The following TDO2 variants were observed in gnomAD, a reference collection of about 807,000 sequenced individuals.
The protein encoded by TDO2 is tryptamin 2,3-dioxygenase.
A neutral mutation model predicts 61.2 loss-of-function variants in TDO2; 63 were observed. The ratio of observed to expected loss-of-function variants is 1.03; its 90% CI spans 0.84 to 1.27. TDO2 has a LOEUF of 1.27. TDO2 is among the 50% of genes most tolerant of loss of function. The probability of loss-of-function intolerance (pLI) is 0.00; values close to 1 mark genes in which losing one functional copy is unlikely to be tolerated. For synonymous variants in TDO2, 183 were observed against 164.0 expected, an observed-to-expected ratio of 1.12 and a Z score of -0.89; for missense variants, 494 against 469.5, an observed-to-expected ratio of 1.05 and a Z score of -0.48.
chr4:155,908,919 T>A lies in TDO2; in HGVS notation c.336T>A (p.Val112=). 2 of 1,612,862 alleles carry A rather than the reference T, an allele frequency of 1.2e-6. No homozygotes were observed. The highest frequency in any genetic ancestry group is 2.7e-5 in the African/African-American group (2 of 74,992). The part of the protein sequence containing the change: ...VRDERNMLKV[V]SRMHRVSVIL... ...ATGAAAGGAACATGCTTAAGGTTGT[T>A]TCTCGGATGCACCGAGTGTCAGTGA... The change falls in exon 5 of 12, where the codon GTT becomes GTA. Residue 112 remains valine, a synonymous_variant. Coordinates refer to ENST00000536354, the MANE Select transcript of TDO2 (RefSeq NM_005651.4).
At position 155,919,858 on chromosome 4, in the gene TDO2, A is replaced by C; in HGVS notation, c.1089A>C (p.Val363=). The change falls in exon 12 of 12, where the codon GTA becomes GTC. Residue 363 remains valine, a synonymous_variant. Transcript: ENST00000536354. ...STVSDRYKVF[V]DLFNLSTYLI... ...CCAGTGATAGGTACAAGGTATTTGT[A>C]GATTTATTTAATCTTTCAACATACC... The C allele has an allele frequency of 6.2e-7, 1 of 1,613,410 alleles. No homozygotes were observed. Among genetic ancestry groups the C allele is most frequent in the Non-Finnish European group, 8.5e-7 (1 of 1,179,644 alleles).
At position 155,917,361 on chromosome 4, in the gene TDO2, A is replaced by G. The variant is rs370076357; in HGVS notation, c.897-34A>G. On this transcript the variant is annotated intron_variant, in intron 9 of 11. Transcript: ENST00000536354. ...CTCCTAACACACTCGATTTACTTGA[A>G]TATATTCTTCTTTTTCTTCTTTTTT... The G allele has an allele frequency of 2.6e-5, 41 of 1,559,080 alleles. No individual in the cohort carries two copies. In the African/African-American group the frequency reaches 5.1e-4, roughly 19 times the overall value.
chr4:155,918,281 A>T, intron 11 of TDO2, 42 bp downstream of exon 11: 1 of 1,593,882 alleles, frequency 6.3e-7, no homozygotes, highest in Non-Finnish European at 8.6e-7. Context: ...GGCAGTCACC[A>T]ACAATTTGTT....
intron 7 of TDO2, among the ~76,000 whole-genome samples, chr4:155,912,785 G>T (rs2110876883): frequency 6.6e-6 from 1 of 152,186 alleles, no homozygotes; most frequent in South Asian, 2.1e-4. Context: ...TTCAGAACAT[G>T]TATATAATAC....
At chr4:155,908,212 A>C (rs1193353810) in intron 4 of TDO2, among the ~76,000 whole-genome samples, 1 of 152,148 alleles carries the variant, frequency 6.6e-6, no homozygotes, top group Non-Finnish European at 1.5e-5. Context: ...GGAGGAAGAA[A>C]AAGAGGAAGA....
At chr4:155,903,990 T>C (rs774954938) in intron 1 of TDO2, 28 bp from the exon 2 acceptor site, 19 of 1,596,610 alleles carry the variant, frequency 1.2e-5, no homozygotes, top group Non-Finnish European at 8.6e-7. Context: ...AAGCACTATT[T>C]TTCCCTCTTG....
chr4:155,918,050 T>A, intron 10 of TDO2, 99 bp from the exon 11 acceptor site: 1 of 1,186,292 alleles, frequency 8.4e-7, no homozygotes, highest in South Asian at 1.4e-5. Context: ...TGTCAACATT[T>A]TCTCAGAAGC....
chr4:155,907,505 GT>G lies in TDO2; in HGVS notation c.233-216del, dbSNP rs767428145. 203 of 490,324 alleles carry G rather than the reference GT, an allele frequency of 4.1e-4. No individual in the cohort carries two copies. In the Middle Eastern group the frequency reaches 4.3e-3, roughly 10 times the overall value. The allele number at this position is 490,324 out of a possible 1,614,324, so 30.4% of individuals were successfully genotyped here. A position where few individuals can be genotyped will look rare whatever the true frequency, so the allele number is the denominator to read the frequency against. On this transcript the variant is annotated intron_variant, in intron 3 of 11. Coordinates refer to ENST00000536354, the MANE Select transcript of TDO2 (RefSeq NM_005651.4). ...AATAATAATGAATATGAAGCATTAG[GT>G]AACATGTCTAGCATATTAAAACATT...
At chr4:155,905,912 G>A (rs1000432122) in intron 3 of TDO2, 2 of 151,998 alleles carry the variant, frequency 1.3e-5, no homozygotes, top group African/African-American at 4.8e-5. Context: ...ATAAACTCTG[G>A]TAAAGAAATT....
At chr4:155,914,687 T>G (rs1742900057) in intron 8 of TDO2, among the ~76,000 whole-genome samples, 1 of 152,104 alleles carries the variant, frequency 6.6e-6, no homozygotes. Context: ...CAAGATGAAT[T>G]GCATATAGTT....
At position 155,920,161 on chromosome 4, in the gene TDO2, G is replaced by A. The variant is rs1743017108; in HGVS notation, c.*171G>A. ...TACCTCTTGTTTGTGACAAGACTAA[G>A]CATTAAGATGAGAAAGAATACATTT... is the stretch of plus-strand genomic sequence containing the variant. On this transcript the variant is annotated 3_prime_UTR_variant, in exon 12 of 12. Coordinates refer to ENST00000536354, the MANE Select transcript of TDO2 (RefSeq NM_005651.4). 3 of 613,270 alleles carry A rather than the reference G, an allele frequency of 4.9e-6. No individual in the cohort carries two copies. The African/African-American group carries it at 5.6e-5, about 11-fold the overall frequency. 38.0% of individuals were successfully genotyped at this position (613,270 alleles called of 1,614,324 possible).
At chr4:155,916,379 A>G (rs1323483400) in intron 9 of TDO2, among the ~76,000 whole-genome samples, 4 of 20,462 alleles carry the variant, frequency 2.0e-4, no homozygotes, top group African/African-American at 4.2e-4. Flanking sequence ...CGTGTTAGCC[A>G]GGATGGTCTC....
At chr4:155,919,767 A>C (rs1743009932) in intron 11 of TDO2, 70 bp from the exon 12 acceptor site, 4 of 1,354,872 alleles carry the variant, frequency 3.0e-6, no homozygotes, top group Non-Finnish European at 4.0e-6. Flanking sequence ...TGAGAAATAA[A>C]TTTTCTAATT....
chr4:155,911,639 A>G lies in TDO2; in HGVS notation c.726+35A>G, dbSNP rs1052131461. 16 of 1,343,680 alleles carry G rather than the reference A, an allele frequency of 1.2e-5. No homozygotes were observed. In the African/African-American group the frequency reaches 2.1e-4, roughly 18 times the overall value. 83.2% of individuals were successfully genotyped at this position (1,343,680 alleles called of 1,614,324 possible). A position where few individuals can be genotyped will look rare whatever the true frequency, so the allele number is the denominator to read the frequency against. ...TGACATGAGTTAATATAAATTCAAT[A>G]CAGAAATATTCAAAATTTTATTTTA... On this transcript the variant is annotated intron_variant, in intron 7 of 11. Transcript: ENST00000536354.
chr4:155,903,821 G>A, intron 1 of TDO2, 28 bp downstream of exon 1: 1 of 1,613,828 alleles, frequency 6.2e-7, no homozygotes, highest in Non-Finnish European at 8.5e-7. Flanking sequence ...TTCTAAGTGG[G>A]TTTTGGCTTT....
chr4:155,918,929 G>T (rs1191779954), intron 11 of TDO2: 2 of 152,190 alleles, frequency 1.3e-5, no homozygotes, highest in African/African-American at 4.8e-5. Flanking sequence ...ACAGCACATT[G>T]CTTTCGTCCC....
chr4:155,912,154 T>C (rs1215948098), intron 7 of TDO2, among the ~76,000 whole-genome samples: 2 of 152,188 alleles, frequency 1.3e-5, no homozygotes, highest in African/African-American at 2.4e-5. Flanking sequence ...GCATAGACTT[T>C]GAAGTCATGC....
rs1742900933 is a variant in TDO2, at chr4:155,914,735, A to G, written c.838+301A>G. Among the ~76,000 whole-genome samples the G allele has an allele frequency of 2.0e-5, 3 of 152,086 alleles. No individual in the cohort carries two copies. The South Asian group carries it at 6.2e-4, about 32-fold the overall frequency. On this transcript the variant is annotated intron_variant, in intron 8 of 11. Coordinates refer to ENST00000536354, the MANE Select transcript of TDO2 (RefSeq NM_005651.4). ...CACAGCCTAATAGGGACAGAAATGA[A>G]GACAAATCATTGTAACAGTAAACAC...
intron 10 of TDO2, 56 bp from the exon 11 acceptor site, chr4:155,918,093 A>G: frequency 6.5e-7 from 1 of 1,538,482 alleles, no homozygotes; most frequent in Non-Finnish European, 8.9e-7. Context: ...TTGTTAGAAC[A>G]TTGTGGAACT....
Sources: allele counts gnomAD v4.1 joint callset (sites outside exome capture counted in the v4.1 genomes callset), GRCh38; gene constraint gnomAD v4.1.1; transcripts MANE v1.5; gene names NCBI Gene and HGNC (gene_info 2026-07-23, HGNC 2026-07-21).